The following NELL1 variants were observed in gnomAD, a reference collection of about 807,000 sequenced individuals.
NELL1 encodes the protein neural EGFL like 1, also known as protein kinase C-binding protein NELL1.
A neutral mutation model predicts 107.4 loss-of-function variants in NELL1; 76 were observed. That is an observed-to-expected ratio of 0.71 (90% CI 0.59 to 0.86). The LOEUF is 0.86. Among genes scored for constraint, NELL1 ranks in the 40% least tolerant of loss-of-function variants. NELL1 has a pLI of 0.00. For synonymous variants in NELL1, 353 were observed against 341.2 expected, an observed-to-expected ratio of 1.03 and a Z score of -0.38; for missense variants, 1,024 against 1,005.5, an observed-to-expected ratio of 1.02 and a Z score of -0.25.
chr11:20,857,308 C>T (rs1328066006), intron 4 of NELL1, among the ~76,000 whole-genome samples: 1 of 152,086 alleles, frequency 6.6e-6, no homozygotes, highest in Non-Finnish European at 1.5e-5. Context: ...CTGCCTATAG[C>T]CCCCCGAGTG....
intron 12 of NELL1, among the ~76,000 whole-genome samples, chr11:21,010,117 C>T (rs1273906870): frequency 6.6e-6 from 1 of 151,966 alleles, no homozygotes; most frequent in African/African-American, 2.4e-5. Context: ...CTTAGTAGAG[C>T]ATTGTTTAAT....
At chr11:20,939,932 A>G (rs1590440500) in intron 10 of NELL1, among the ~76,000 whole-genome samples, 1 of 152,220 alleles carries the variant, frequency 6.6e-6, no homozygotes, top group East Asian at 1.9e-4. Flanking sequence ...TTATTTCTGT[A>G]TTTTATGATT....
At chr11:21,355,528 A>C (rs184041464) in intron 14 of NELL1, among the ~76,000 whole-genome samples, 1 of 152,322 alleles carries the variant, frequency 6.6e-6, no homozygotes, top group Non-Finnish European at 1.5e-5. Flanking sequence ...TCAGTCAGCA[A>C]ATAAGAAGTG....
At chr11:21,347,459 G>A (rs926043749) in intron 14 of NELL1, among the ~76,000 whole-genome samples, 2 of 151,944 alleles carry the variant, frequency 1.3e-5, no homozygotes, top group African/African-American at 2.4e-5. Flanking sequence ...AAAATTAGCC[G>A]AGTGTGGTGG....
At chr11:21,486,885 T>C (rs1039573285) in intron 15 of NELL1, among the ~76,000 whole-genome samples, 1 of 152,044 alleles carries the variant, frequency 6.6e-6, no homozygotes, top group Non-Finnish European at 1.5e-5. Context: ...ATCTCAATAG[T>C]TGAAGACAAG....
rs144821835 is a variant in NELL1 at position 21,489,652 on chromosome 11, CAAT to C, written c.1646-44719_1646-44717del. ...CAAGGATGATTCAACATATGCAAATCAATAAACATGTTACATCACATCAGCAGA... is the reference window on the plus strand; with the variant it reads ...CAAGGATGATTCAACATATGCAAATCAAACATGTTACATCACATCAGCAGA... On this transcript the variant is annotated intron_variant, in intron 15 of 19. Coordinates refer to ENST00000357134, the MANE Select transcript of NELL1 (RefSeq NM_006157.5). 7.5e-3 allele frequency among the ~76,000 whole-genome samples: 1,136 copies of C among 152,056 alleles called. 12 individuals carry two copies. The highest frequency in any genetic ancestry group is 0.026 in the African/African-American group (1,086 of 41,476).
intron 14 of NELL1, among the ~76,000 whole-genome samples, chr11:21,238,082 C>T (rs561790451): frequency 6.6e-6 from 1 of 152,114 alleles, no homozygotes; most frequent in African/African-American, 2.4e-5. Context: ...ATCCTTGATT[C>T]CTTCTTCACA....
chr11:20,828,030 A>G (rs1393474100), intron 3 of NELL1, among the ~76,000 whole-genome samples: 2 of 151,272 alleles, frequency 1.3e-5, no homozygotes, highest in Non-Finnish European at 3.0e-5. Context: ...CATCCTAGAC[A>G]TAGTGTCATG....
intron 2 of NELL1, among the ~76,000 whole-genome samples, chr11:20,708,214 A>C (rs1335920500): frequency 6.6e-6 from 1 of 152,194 alleles, no homozygotes; most frequent in Non-Finnish European, 1.5e-5. Flanking sequence ...TTAGGGTGGG[A>C]GTGTCCCGAT....
chr11:20,690,079 G>A (rs1381672685), intron 2 of NELL1, among the ~76,000 whole-genome samples: 1 of 152,174 alleles, frequency 6.6e-6, no homozygotes, highest in African/African-American at 2.4e-5. Flanking sequence ...CTGCATAAAT[G>A]TCTTCTTTTG....
At chr11:21,387,583 G>T (rs1851775634) in intron 15 of NELL1, among the ~76,000 whole-genome samples, 1 of 151,852 alleles carries the variant, frequency 6.6e-6, no homozygotes, top group Non-Finnish European at 1.5e-5. Context: ...GCTGTGATTT[G>T]AACAGCTCTT....
intron 12 of NELL1, among the ~76,000 whole-genome samples, chr11:21,026,855 G>T (rs1852825528): frequency 6.6e-6 from 1 of 152,134 alleles, no homozygotes; most frequent in East Asian, 1.9e-4. Context: ...AGCTAAGTAT[G>T]ACATAGGTCT....
intron 14 of NELL1, among the ~76,000 whole-genome samples, chr11:21,277,330 A>G (rs2133942814): frequency 6.6e-6 from 1 of 152,256 alleles, no homozygotes; most frequent in African/African-American, 2.4e-5. Context: ...AGAGAAATGC[A>G]AATCAAAACT....
chr11:20,803,018 C>T (rs1590309048), intron 3 of NELL1, among the ~76,000 whole-genome samples: 1 of 152,072 alleles, frequency 6.6e-6, no homozygotes, highest in East Asian at 1.9e-4. Flanking sequence ...GTGATATTGG[C>T]CTGTAATTTT....
At chr11:20,830,083 C>A (rs1271584541) in intron 3 of NELL1, among the ~76,000 whole-genome samples, 22 of 151,894 alleles carry the variant, frequency 1.4e-4, no homozygotes, top group Non-Finnish European at 5.9e-5. Flanking sequence ...ACCATCCTGG[C>A]AAACATGGTG....
intron 14 of NELL1, among the ~76,000 whole-genome samples, chr11:21,292,158 A>C (rs1380724337): frequency 1.3e-5 from 2 of 152,170 alleles, no homozygotes; most frequent in Admixed American, 1.3e-4. Context: ...AGATGACATG[A>C]TTGTATATTT....
At chr11:21,099,388 G>T (rs932820211) in intron 12 of NELL1, among the ~76,000 whole-genome samples, 1 of 152,100 alleles carries the variant, frequency 6.6e-6, no homozygotes, top group Non-Finnish European at 1.5e-5. Flanking sequence ...CATGGAGGAA[G>T]AGAATGCCTC....
chr11:21,058,552 G>A (rs1232057221), intron 12 of NELL1, among the ~76,000 whole-genome samples: 1 of 152,112 alleles, frequency 6.6e-6, no homozygotes, highest in Non-Finnish European at 1.5e-5. Flanking sequence ...TGCTTGCAGA[G>A]TGACACTTAA....
At chr11:20,794,016 T>C (rs1375790571) in intron 3 of NELL1, among the ~76,000 whole-genome samples, 1 of 152,248 alleles carries the variant, frequency 6.6e-6, no homozygotes, top group East Asian at 1.9e-4. Flanking sequence ...ATTAACTGAT[T>C]GATTGCTCAA....
Sources: gnomAD v4.1 joint callset for allele counts (sites outside exome capture counted in the v4.1 genomes callset) on GRCh38, gnomAD v4.1.1 for gene constraint, MANE v1.5 for transcripts, NCBI Gene and HGNC (gene_info 2026-07-23, HGNC 2026-07-21) for gene names.